Variants in TTC22 observed in about 807,000 individuals in gnomAD.
The protein encoded by TTC22 is tetratricopeptide repeat protein 22.
Under a neutral mutation model 48.2 loss-of-function variants are expected in TTC22, and 42 were observed. That is an observed-to-expected ratio of 0.87 (90% CI 0.68 to 1.13). The LOEUF is 1.13. Among genes scored for constraint, TTC22 ranks in the 50% most tolerant of loss-of-function variants. The pLI is 0.00. For missense variants in TTC22, 784 were observed against 807.0 expected (o/e 0.97, Z 0.34); for synonymous variants, 345 against 365.5 (o/e 0.94, Z 0.64).
Position 54,784,879 on chromosome 1 carries a change from A to G in TTC22, c.1020+1104T>C, listed in dbSNP as rs977549813. 6 of 1,140,958 alleles carry G rather than the reference A, an allele frequency of 5.3e-6. No homozygotes were observed. In the African/African-American group the frequency reaches 9.7e-5, roughly 18 times the overall value. 70.7% of individuals were successfully genotyped at this position (1,140,958 alleles called of 1,614,324 possible). On this transcript the variant is annotated intron_variant, in intron 5 of 6. Transcript: ENST00000371276. ...AGGTCTGGGACCAGTGCGGGAAGCT[A>G]GCAGGAGGCAGAACTCACCTAAGTG... is the stretch of plus-strand genomic sequence containing the variant.
Position 54,801,250 on chromosome 1 carries a change from T to C in TTC22, c.-87A>G. ...GGGGGCGTTCCCCGAGCGAGCTCCG[T>C]GCGGGAGGCGAGGGGCAGCCGGCAG... On this transcript the variant is annotated 5_prime_UTR_variant, in exon 1 of 7. Transcript: ENST00000371276. 7.3e-7 allele frequency: 1 copy of C among 1,376,728 alleles called. No homozygotes were observed. The highest frequency in any genetic ancestry group is 9.8e-7 in the Non-Finnish European group (1 of 1,016,532). 85.3% of individuals were successfully genotyped at this position (1,376,728 alleles called of 1,614,324 possible).
Position 54,798,951 on chromosome 1 carries a change from C to T in TTC22, c.567+1646G>A, listed in dbSNP as rs1335921372. On this transcript the variant is annotated intron_variant, in intron 1 of 6. Coordinates refer to ENST00000371276, the MANE Select transcript of TTC22 (RefSeq NM_001114108.2). ...GAACTAGGTGCTCAGAACGAAACCTCTGACTCTAAAAGTGATGCAACCATC... is the reference window on the plus strand; with the variant it reads ...GAACTAGGTGCTCAGAACGAAACCTTTGACTCTAAAAGTGATGCAACCATC... Among the ~76,000 whole-genome samples, 3 of 152,254 alleles carry T rather than the reference C, an allele frequency of 2.0e-5. No individual in the cohort carries two copies. The East Asian group carries it at 5.8e-4, about 29-fold the overall frequency.
intron 1 of TTC22, among the ~76,000 whole-genome samples, chr1:54,798,631 T>G (rs991111724): frequency 6.6e-6 from 1 of 152,292 alleles, no homozygotes; most frequent in South Asian, 2.1e-4. Flanking sequence ...CAGGTAAGCA[T>G]AGTTAATGAA....
rs1646263419 is a variant in TTC22 at position 54,781,597 on chromosome 1, G to A, written c.1356C>T (p.Ala452=). 6.6e-7 allele frequency: 1 copy of A among 1,523,896 alleles called. No individual in the cohort carries two copies. The highest frequency in any genetic ancestry group is 8.8e-7 in the Non-Finnish European group (1 of 1,141,764). 94.4% of individuals were successfully genotyped at this position (1,523,896 alleles called of 1,614,324 possible). A position where few individuals can be genotyped will look rare whatever the true frequency, so the allele number is the denominator to read the frequency against. ...GCTCCACTGCGCGCTTGAAGCAGGCGGCCGCGTTGGCGTCCTCGCCCTTGA... is the reference window on the plus strand; with the variant it reads ...GCTCCACTGCGCGCTTGAAGCAGGCAGCCGCGTTGGCGTCCTCGCCCTTGA... ...LRIKGEDANA[A]ACFKRAVELD... is the part of the protein sequence containing the mutation. Residue 452 remains alanine (A), a synonymous_variant, in exon 7 of 7, where the codon GCC becomes GCT. Transcript: ENST00000371276.
Position 54,789,200 on chromosome 1 carries a change from C to T in TTC22, c.568-1103G>A, listed in dbSNP as rs1646330852. 2.0e-5 allele frequency among the ~76,000 whole-genome samples: 3 copies of T among 152,356 alleles called. No homozygotes were observed. In the South Asian group the frequency reaches 6.2e-4, roughly 32 times the overall value. On this transcript the variant is annotated intron_variant, in intron 1 of 6. Coordinates refer to ENST00000371276, the MANE Select transcript of TTC22 (RefSeq NM_001114108.2). ...ATGCTTGCTTCCCCACACTGGGTTG[C>T]CAATAGCTGTGGTATGAAGCCAGGC...
chr1:54,801,036 G>A lies in TTC22; in HGVS notation c.128C>T (p.Ala43Val). 1 of 1,611,886 alleles carries A rather than the reference G, an allele frequency of 6.2e-7. No homozygotes were observed. Among genetic ancestry groups the A allele is most frequent in the Non-Finnish European group, 8.5e-7 (1 of 1,179,630 alleles). The change falls in exon 1 of 7, where the codon GCC (alanine) becomes GTC (valine). Residue 43 changes from alanine (A) to valine (V), a missense_variant. Physicochemically the swap from Ala to Val is moderately conservative, Grantham distance 64. Transcript: ENST00000371276. ...CTCCCGCTGCAGCTTCAGGTCCCGG[G>A]CGCGCTGTGGGGCCGGCGAGCGCGG... ...FEPRSPAPQR[A>V]RDLKLQREGL...
At chr1:54,782,667 C>A (rs1646272185) in intron 5 of TTC22, among the ~76,000 whole-genome samples, 190 bp from the exon 6 acceptor site, 1 of 152,208 alleles carries the variant, frequency 6.6e-6, no homozygotes, top group African/African-American at 2.4e-5. Context: ...TAGCCATACC[C>A]TCTTTCTGGT....
intron 1 of TTC22, among the ~76,000 whole-genome samples, chr1:54,790,088 T>C (rs1445107831): frequency 6.6e-6 from 1 of 152,058 alleles, no homozygotes; most frequent in Non-Finnish European, 1.5e-5. Context: ...GAGATAGAGC[T>C]GGAGGGTTGG....
At chr1:54,787,867 C>T (rs570745152) in intron 2 of TTC22, 41 bp from the exon 3 acceptor site, 89 of 1,550,772 alleles carry the variant, frequency 5.7e-5, no homozygotes, top group East Asian at 1.4e-4. Context: ...GCACCCCTCC[C>T]GGCTGTCCTG....
In TTC22 at chr1:54,781,263, G is replaced by A. The variant is rs368550125; in HGVS notation, c.1690C>T (p.Arg564Cys). 8.9e-4 allele frequency: 1,319 copies of A among 1,475,790 alleles called. 9 individuals are homozygous for A. In the African/African-American group the frequency reaches 0.017, roughly 19 times the overall value. The allele number at this position is 1,475,790 out of a possible 1,614,324, so 91.4% of individuals were successfully genotyped here. Residue 564 changes from arginine (R) to cysteine (C), a missense_variant, in exon 7 of 7, where the codon CGC becomes TGC. By Grantham distance (180) the Arg-to-Cys change is radical (BLOSUM62 -3). Coordinates refer to ENST00000371276, the MANE Select transcript of TTC22 (RefSeq NM_001114108.2). ...GAGCCCTAGAATGAGACAGCCCGGC[G>A]GTCCCGCGGCGCGCTGGCGCCCTCG... ...EGEGASAPRD[R>C]RAVSF
In TTC22 at chr1:54,799,291, G is replaced by C. The variant is rs538472078; in HGVS notation, c.567+1306C>G. 9.8e-5 allele frequency among the ~76,000 whole-genome samples: 15 copies of C among 152,318 alleles called. 1 individual carries two copies. The South Asian group carries it at 1.0e-3, about 11-fold the overall frequency. On this transcript the variant is annotated intron_variant, in intron 1 of 6. Coordinates refer to ENST00000371276, the MANE Select transcript of TTC22 (RefSeq NM_001114108.2). ...CACTCACTGGGGAATCCCCACTGTG[G>C]CCGTGTTCCCAGAGAGGGAAGAGCC...
Position 54,782,318 on chromosome 1 carries a change from G to A in TTC22, c.1173+7C>T, listed in dbSNP as rs765308458. On this transcript the variant is annotated splice_region_variant and intron_variant, in intron 6 of 6. Coordinates refer to ENST00000371276, the MANE Select transcript of TTC22 (RefSeq NM_001114108.2). ...CAGCTATTGGCTAAGCCAAGAGACTGCCTTACCTGGCCGATGTCCAGGTAC... is the reference window on the plus strand; with the variant it reads ...CAGCTATTGGCTAAGCCAAGAGACTACCTTACCTGGCCGATGTCCAGGTAC... The A allele has an allele frequency of 1.3e-6, 2 of 1,532,288 alleles. No homozygotes were observed. Among genetic ancestry groups the A allele is most frequent in the South Asian group, 2.4e-5 (2 of 82,390 alleles). 94.9% of individuals were successfully genotyped at this position (1,532,288 alleles called of 1,614,324 possible).
chr1:54,793,667 A>T (rs1388768029), intron 1 of TTC22, among the ~76,000 whole-genome samples: 1 of 138,804 alleles, frequency 7.2e-6, no homozygotes, highest in Non-Finnish European at 1.6e-5. Context: ...GTCTCGACTG[A>T]AACCTGGAGA....
At chr1:54,781,806 C>G in intron 6 of TTC22, 27 bp from the exon 7 acceptor site, 1 of 1,395,032 alleles carries the variant, frequency 7.2e-7, no homozygotes, top group Non-Finnish European at 9.3e-7. Flanking sequence ...GGGGTGAGCC[C>G]TTCACCGCAG....
intron 5 of TTC22, chr1:54,784,523 A>C: frequency 3.0e-6 from 3 of 1,003,082 alleles, no homozygotes; most frequent in Non-Finnish European, 3.6e-6. Context: ...GTTCTTGTGA[A>C]CATTAAATCA....
Position 54,781,258 on chromosome 1 carries a change from C to G in TTC22, c.1695G>C (p.Arg565=). The change falls in exon 7 of 7, where the codon CGG becomes CGC. Residue 565 remains arginine (R), a synonymous_variant. Coordinates refer to ENST00000371276, the MANE Select transcript of TTC22 (RefSeq NM_001114108.2). ...CACCTGAGCCCTAGAATGAGACAGC[C>G]CGGCGGTCCCGCGGCGCGCTGGCGC... is the stretch of plus-strand genomic sequence containing the variant. ...GEGASAPRDR[R]AVSF is the part of the protein sequence containing the mutation. 2 of 1,474,940 alleles carry G rather than the reference C, an allele frequency of 1.4e-6. No individual in the cohort carries two copies. The highest frequency in any genetic ancestry group is 1.8e-6 in the Non-Finnish European group (2 of 1,121,088). 91.4% of individuals were successfully genotyped at this position (1,474,940 alleles called of 1,614,324 possible). A position where few individuals can be genotyped will look rare whatever the true frequency, so the allele number is the denominator to read the frequency against.
rs1219317637 is a variant in TTC22, at chr1:54,801,146, A to G, written c.18T>C (p.Ala6=). The change falls in exon 1 of 7, where the codon GCT becomes GCC. Residue 6 remains alanine (A), a synonymous_variant. Transcript: ENST00000371276. ...TGAGGGCGTCTAGATCGTCGGCCAC[A>G]GCCTCCAGCTCCGCCATGACTGCTC... MAELE[A]VADDLDALID... The G allele has an allele frequency of 1.9e-6, 3 of 1,610,760 alleles. No homozygotes were observed. The highest frequency in any genetic ancestry group is 2.7e-5 in the African/African-American group (2 of 74,882).
At position 54,779,951 on chromosome 1, in the gene TTC22, C is replaced by T. The variant is rs901010924; in HGVS notation, c.*1292G>A. 1 of 152,122 alleles carries T rather than the reference C, an allele frequency of 6.6e-6. No individual in the cohort carries two copies. The highest frequency in any genetic ancestry group is 2.4e-5 in the African/African-American group (1 of 41,380). 9.4% of individuals were successfully genotyped at this position (152,122 alleles called of 1,614,324 possible). On this transcript the variant is annotated 3_prime_UTR_variant, in exon 7 of 7. Transcript: ENST00000371276. ...ATGCAATGCAGGGGTGCTGGCCTGT[C>T]CCTGGTAATGAGCGAGGATATGAGC...
chr1:54,779,732 T>C lies in TTC22; in HGVS notation c.*1511A>G, dbSNP rs1646248314. The C allele has an allele frequency of 6.6e-6, 1 of 152,210 alleles. No homozygotes were observed. The highest frequency in any genetic ancestry group is 6.5e-5 in the Admixed American group (1 of 15,290). 9.4% of individuals were successfully genotyped at this position (152,210 alleles called of 1,614,324 possible). A position where few individuals can be genotyped will look rare whatever the true frequency, so the allele number is the denominator to read the frequency against. On this transcript the variant is annotated 3_prime_UTR_variant, in exon 7 of 7. Transcript: ENST00000371276. ...AATACTTTAGTGTTGATCAGTTTAT[T>C]AGTATTTTTCCAAACCTGAAGAATG...
Sources: gnomAD v4.1 joint callset for allele counts (sites outside exome capture counted in the v4.1 genomes callset) on GRCh38, gnomAD v4.1.1 for gene constraint, MANE v1.5 for transcripts, NCBI Gene and HGNC (gene_info 2026-07-23, HGNC 2026-07-21) for gene names.